Variants in GRIK2 observed in about 807,000 individuals in gnomAD.
The protein encoded by GRIK2 is glutamate receptor ionotropic, kainate 2.
Under a neutral mutation model 100.3 loss-of-function variants are expected in GRIK2, and 32 were observed. That is an observed-to-expected ratio of 0.32 (90% CI 0.24 to 0.43). The LOEUF (loss-of-function observed/expected upper bound fraction) is 0.43, where lower values mean the gene tolerates loss of function less well. GRIK2 is among the 20% of genes least tolerant of loss of function. The pLI is 1.00. For missense variants in GRIK2, 843 were observed against 1,114.9 expected (o/e 0.76, Z 3.47); for synonymous variants, 417 against 389.4 (o/e 1.07, Z -0.83).
intron 1 of GRIK2, among the ~76,000 whole-genome samples, chr6:101,397,245 TA>T (rs1390769822): frequency 2.0e-5 from 3 of 152,186 alleles, no homozygotes; most frequent in African/African-American, 7.2e-5. Flanking sequence ...TGTGAAGGAT[TA>T]TTTTTTTCCC....
At chr6:101,437,201 T>G (rs1769771849) in intron 2 of GRIK2, among the ~76,000 whole-genome samples, 1 of 152,050 alleles carries the variant, frequency 6.6e-6, no homozygotes, top group Admixed American at 6.6e-5. Context: ...CTGACTTATT[T>G]CTATACTGAG....
intron 7 of GRIK2, among the ~76,000 whole-genome samples, chr6:101,716,145 G>T (rs1774047645): frequency 6.6e-6 from 1 of 151,706 alleles, no homozygotes; most frequent in Non-Finnish European, 1.5e-5. Context: ...GTGGAAATTA[G>T]TGTCCAGATA....
chr6:101,914,808 A>T (rs1197504719), intron 12 of GRIK2, among the ~76,000 whole-genome samples: 2 of 151,588 alleles, frequency 1.3e-5, no homozygotes, highest in East Asian at 3.9e-4. Flanking sequence ...AGTTGTGTTT[A>T]TTTTATTTAA....
intron 7 of GRIK2, among the ~76,000 whole-genome samples, chr6:101,730,415 C>T (rs1012316440): frequency 4.6e-5 from 7 of 151,908 alleles, no homozygotes; most frequent in African/African-American, 1.7e-4. Context: ...TAATGGGTCT[C>T]TATGGGAAGT....
intron 2 of GRIK2, among the ~76,000 whole-genome samples, chr6:101,419,791 A>G (rs1776326925): frequency 6.6e-6 from 1 of 152,192 alleles, no homozygotes; most frequent in Admixed American, 6.5e-5. Flanking sequence ...AACAACTTGA[A>G]TGTAGTTGAA....
intron 4 of GRIK2, among the ~76,000 whole-genome samples, chr6:101,644,737 T>G (rs575042116): frequency 6.6e-6 from 1 of 151,966 alleles, no homozygotes; most frequent in South Asian, 2.1e-4. Flanking sequence ...AAAAGGTTAT[T>G]AAGTTTTGTA....
intron 2 of GRIK2, among the ~76,000 whole-genome samples, chr6:101,588,923 A>T (rs1212385804): frequency 5.9e-5 from 9 of 152,150 alleles, no homozygotes; most frequent in Non-Finnish European, 1.2e-4. Context: ...GAGCCCAGGG[A>T]AACACAAAAA....
At chr6:101,871,242 A>G (rs1237603301) in intron 11 of GRIK2, among the ~76,000 whole-genome samples, 1 of 113,028 alleles carries the variant, frequency 8.8e-6, no homozygotes, top group Non-Finnish European at 1.8e-5. Context: ...TCTAGAATGT[A>G]TTACATGTAT....
At chr6:101,917,658 T>G (rs1241540923) in intron 12 of GRIK2, among the ~76,000 whole-genome samples, 2 of 151,598 alleles carry the variant, frequency 1.3e-5, no homozygotes, top group South Asian at 2.1e-4. Context: ...TTTGAGAATT[T>G]TATATTTTTA....
At chr6:101,901,313 C>T (rs897944118) in intron 12 of GRIK2, among the ~76,000 whole-genome samples, 1 of 151,714 alleles carries the variant, frequency 6.6e-6, no homozygotes, top group African/African-American at 2.4e-5. Context: ...TATTGATAGC[C>T]AGTGAATGGA....
At chr6:101,991,747 G>T (rs1794388923) in intron 14 of GRIK2, among the ~76,000 whole-genome samples, 1 of 151,450 alleles carries the variant, frequency 6.6e-6, no homozygotes, top group Non-Finnish European at 1.5e-5. Flanking sequence ...TTGCATATAT[G>T]ATTCTGTTGT....
chr6:101,743,908 A>G (rs1315855668), intron 7 of GRIK2, among the ~76,000 whole-genome samples: 2 of 152,054 alleles, frequency 1.3e-5, no homozygotes, highest in African/African-American at 4.8e-5. Flanking sequence ...ATTTTGGTGC[A>G]TCCATTACCT....
rs187785982 is a variant in GRIK2, at chr6:101,806,070, G to T, written c.1203+3632G>T. 6.1e-4 allele frequency among the ~76,000 whole-genome samples: 93 copies of T among 152,106 alleles called. 1 individual carries two copies. Among genetic ancestry groups the T allele is most frequent in the African/African-American group, 2.0e-3 (85 of 41,518 alleles). On this transcript the variant is annotated intron_variant, in intron 9 of 16. Coordinates refer to ENST00000369134, the MANE Select transcript of GRIK2 (RefSeq NM_021956.5). ...TGGTCCCAAAAAGATCACCGATACT[G>T]TATACACAGCCAGCCACTTCTGTGC... is the stretch of plus-strand genomic sequence containing the variant.
At chr6:101,467,700 ATCTAC>A (rs1771719308) in intron 2 of GRIK2, among the ~76,000 whole-genome samples, 1 of 152,198 alleles carries the variant, frequency 6.6e-6, no homozygotes, top group South Asian at 2.1e-4. Context: ...TAAGATGTCT[ATCTAC>A]TCTATTCCCA....
intron 14 of GRIK2, among the ~76,000 whole-genome samples, chr6:102,029,107 A>G (rs1769853407): frequency 1.3e-5 from 2 of 151,202 alleles, no homozygotes; most frequent in Non-Finnish European, 3.0e-5. Context: ...ATGTGTCTCA[A>G]TTCCTGAGTC....
rs576742422 is a variant in GRIK2 at position 101,414,352 on chromosome 6, A to T, written c.115+14960A>T. Among the ~76,000 whole-genome samples, 20 of 152,300 alleles carry T rather than the reference A, an allele frequency of 1.3e-4. No individual in the cohort carries two copies. In the South Asian group the frequency reaches 3.9e-3, roughly 30 times the overall value. On this transcript the variant is annotated intron_variant, in intron 2 of 16. Transcript: ENST00000369134. Reference sequence around the variant, plus strand: ...AGACCTCTAGTATCAAATCATAGTGATGCCATTAATTTATTTCTTCTGTAT... The same window carrying T: ...AGACCTCTAGTATCAAATCATAGTGTTGCCATTAATTTATTTCTTCTGTAT...
intron 12 of GRIK2, among the ~76,000 whole-genome samples, chr6:101,896,286 C>A (rs1194698789): frequency 6.6e-6 from 1 of 151,570 alleles, no homozygotes; most frequent in African/African-American, 2.4e-5. Context: ...CTGAAAGTAT[C>A]CATGTAGGAC....
intron 10 of GRIK2, among the ~76,000 whole-genome samples, chr6:101,854,246 GA>G (rs955677600): frequency 1.1e-4 from 17 of 151,990 alleles, no homozygotes; most frequent in African/African-American, 3.9e-4. Context: ...AAAATTGCTA[GA>G]AAAATTAAGT....
chr6:101,528,879 A>C (rs1002459209), intron 2 of GRIK2, among the ~76,000 whole-genome samples: 1 of 152,156 alleles, frequency 6.6e-6, no homozygotes, highest in African/African-American at 2.4e-5. Context: ...TTGGTTAAGA[A>C]ATTTAAGATG....
Sources: gnomAD v4.1 joint callset for allele counts (sites outside exome capture counted in the v4.1 genomes callset) on GRCh38, gnomAD v4.1.1 for gene constraint, MANE v1.5 for transcripts, NCBI Gene and HGNC (gene_info 2026-07-23, HGNC 2026-07-21) for gene names.